Variants in NRG3 observed in about 807,000 individuals in gnomAD.
NRG3 encodes pro-neuregulin-3, membrane-bound isoform.
Under a neutral mutation model 66.9 loss-of-function variants are expected in NRG3, and 31 were observed. The observed-to-expected ratio is 0.46, with a 90% CI of 0.35 to 0.63. The LOEUF (loss-of-function observed/expected upper bound fraction) is 0.63. Ranked by LOEUF, NRG3 falls within the 20% of genes least tolerant of loss-of-function variation. The pLI, the probability that NRG3 is intolerant of heterozygous loss-of-function variation, is 0.00. For missense variants in NRG3, 910 were observed against 878.9 expected (o/e 1.04, Z -0.45); for synonymous variants, 393 against 359.4 (o/e 1.09, Z -1.06).
At chr10:82,055,502 C>G (rs1310153525) in intron 1 of NRG3, among the ~76,000 whole-genome samples, 1 of 147,510 alleles carries the variant, frequency 6.8e-6, no homozygotes, top group Non-Finnish European at 1.5e-5. Flanking sequence ...AGAACAACAA[C>G]AAAAAACAGT....
At chr10:82,170,654 G>GTATATATATATATATATA (rs370773918) in intron 1 of NRG3, among the ~76,000 whole-genome samples, 8 of 74,218 alleles carry the variant, frequency 1.1e-4, no homozygotes, top group African/African-American at 1.6e-4. Flanking sequence ...AAAACTTGTG[G>GTATATATATATATATATA]TATATATATA....
intron 2 of NRG3, among the ~76,000 whole-genome samples, chr10:82,674,404 A>G (rs1443279507): frequency 6.6e-6 from 1 of 152,150 alleles, no homozygotes; most frequent in Non-Finnish European, 1.5e-5. Flanking sequence ...CTAAAAACCC[A>G]AACTCTTAGT....
At chr10:82,300,813 A>C (rs934739673) in intron 1 of NRG3, among the ~76,000 whole-genome samples, 50 of 151,656 alleles carry the variant, frequency 3.3e-4, no homozygotes, top group African/African-American at 1.0e-3. Context: ...CTGAGTTAAA[A>C]ACACACACAC....
chr10:82,171,736 A>G (rs184761078), intron 1 of NRG3, among the ~76,000 whole-genome samples: 9 of 152,106 alleles, frequency 5.9e-5, no homozygotes, highest in Non-Finnish European at 1.3e-4. Context: ...AAATTGCTTC[A>G]TGATTCAAAA....
intron 1 of NRG3, among the ~76,000 whole-genome samples, chr10:82,135,684 T>A (rs2069288027): frequency 6.6e-6 from 1 of 152,150 alleles, no homozygotes; most frequent in African/African-American, 2.4e-5. Context: ...TCTTGATTTT[T>A]AAAAATGATT....
intron 1 of NRG3, among the ~76,000 whole-genome samples, chr10:81,998,632 C>T (rs1190577884): frequency 1.3e-5 from 2 of 152,146 alleles, no homozygotes; most frequent in Non-Finnish European, 2.9e-5. Flanking sequence ...ATAAATGATG[C>T]ACAAGTGTTA....
chr10:82,108,991 C>G (rs779254158), intron 1 of NRG3, among the ~76,000 whole-genome samples: 6 of 152,146 alleles, frequency 3.9e-5, no homozygotes, highest in Non-Finnish European at 8.8e-5. Context: ...TTACCCTTCA[C>G]TAGAATGGAA....
chr10:82,120,104 G>A (rs1213598194), intron 1 of NRG3, among the ~76,000 whole-genome samples: 1 of 152,060 alleles, frequency 6.6e-6, no homozygotes, highest in Non-Finnish European at 1.5e-5. Context: ...GATAAATTCA[G>A]GAAAAGAACT....
At chr10:82,885,153 G>A (rs1221667467) in intron 4 of NRG3, among the ~76,000 whole-genome samples, 6 of 152,134 alleles carry the variant, frequency 3.9e-5, no homozygotes, top group African/African-American at 9.7e-5. Flanking sequence ...TCTTCTGCCC[G>A]TAACTACAAC....
chr10:82,594,446 C>T (rs565068194), intron 2 of NRG3, among the ~76,000 whole-genome samples: 3 of 151,986 alleles, frequency 2.0e-5, no homozygotes, highest in Non-Finnish European at 4.4e-5. Flanking sequence ...ACAAGGATTT[C>T]TCAAAAATCA....
chr10:81,932,661 A>G (rs1457151730), intron 1 of NRG3, among the ~76,000 whole-genome samples: 1 of 152,160 alleles, frequency 6.6e-6, no homozygotes, highest in Non-Finnish European at 1.5e-5. Flanking sequence ...TTAAGCAAAA[A>G]CAGTACAAGA....
intron 1 of NRG3, among the ~76,000 whole-genome samples, chr10:82,300,810 A>G (rs986776154): frequency 6.6e-6 from 1 of 151,736 alleles, no homozygotes; most frequent in Non-Finnish European, 1.5e-5. Flanking sequence ...TCTCTGAGTT[A>G]AAAACACACA....
intron 6 of NRG3, among the ~76,000 whole-genome samples, chr10:82,964,043 G>A (rs1392534057): frequency 2.0e-5 from 3 of 152,112 alleles, no homozygotes; most frequent in Admixed American, 6.5e-5. Flanking sequence ...CCTAAACGCT[G>A]ATTTATTGCT....
intron 1 of NRG3, among the ~76,000 whole-genome samples, chr10:82,198,877 A>G (rs779219236): frequency 2.0e-5 from 3 of 151,978 alleles, no homozygotes; most frequent in Non-Finnish European, 4.4e-5. Context: ...CACATCTGTA[A>G]TCCCAGCTAC....
intron 1 of NRG3, among the ~76,000 whole-genome samples, chr10:82,004,032 CACA>C (rs1376538981): frequency 4.3e-4 from 64 of 147,142 alleles, no homozygotes; most frequent in African/African-American, 1.5e-3. Flanking sequence ...CACACACACA[CACA>C]GATACCTTAG....
At chr10:81,915,618 G>A (rs1433570653) in intron 1 of NRG3, among the ~76,000 whole-genome samples, 1 of 151,586 alleles carries the variant, frequency 6.6e-6, no homozygotes, top group Non-Finnish European at 1.5e-5. Flanking sequence ...CATTAAATAC[G>A]GAGTGTGGGT....
intron 2 of NRG3, among the ~76,000 whole-genome samples, chr10:82,403,303 C>T (rs113207603): frequency 1.5e-3 from 224 of 152,194 alleles, no homozygotes; most frequent in African/African-American, 5.0e-3. Context: ...GATTGTCATC[C>T]GCATCTTGTC....
rs114023424 is a variant in NRG3 at position 82,859,829 on chromosome 10, A to C, written c.1028-5582A>C. On this transcript the variant is annotated intron_variant, in intron 3 of 8. Transcript: ENST00000372141. ...CCATTCCACAATGTATACGTATTCCAAAATATCTGGTTTTACAGCATAAAT... is the reference window on the plus strand; with the variant it reads ...CCATTCCACAATGTATACGTATTCCCAAATATCTGGTTTTACAGCATAAAT... Among the ~76,000 whole-genome samples the C allele has an allele frequency of 7.5e-3, 1,142 of 152,328 alleles. 17 individuals are homozygous for C. The highest frequency in any genetic ancestry group is 0.027 in the African/African-American group (1,109 of 41,578).
intron 1 of NRG3, among the ~76,000 whole-genome samples, chr10:82,048,284 A>C (rs2063408707): frequency 6.6e-6 from 1 of 151,808 alleles, no homozygotes. Context: ...ACCCCAAATC[A>C]ACAGAATATA....
Sources: allele counts gnomAD v4.1 joint callset (sites outside exome capture counted in the v4.1 genomes callset), GRCh38; gene constraint gnomAD v4.1.1; transcripts MANE v1.5; gene names NCBI Gene and HGNC (gene_info 2026-07-23, HGNC 2026-07-21).